Variants in FAT4 observed in about 807,000 individuals in gnomAD.
FAT4 encodes protocadherin Fat 4.
In FAT4, 84 loss-of-function variants were observed where a neutral mutation model predicts 303.9. The observed-to-expected ratio is 0.28, with a 90% CI of 0.23 to 0.33. The LOEUF (loss-of-function observed/expected upper bound fraction) is 0.33, where lower values mean the gene tolerates loss of function less well. FAT4 is among the 10% of genes least tolerant of loss of function. The probability of loss-of-function intolerance (pLI) is 1.00; values close to 1 mark genes in which losing one functional copy is unlikely to be tolerated. For synonymous variants in FAT4, 2,307 were observed against 2,298.8 expected, an observed-to-expected ratio of 1.00 and a Z score of -0.10; for missense variants, 6,005 against 6,146.8, an observed-to-expected ratio of 0.98 and a Z score of 0.77.
chr4:125,418,038 T>C (rs1463412039), intron 7 of FAT4, among the ~76,000 whole-genome samples: 1 of 152,170 alleles, frequency 6.6e-6, no homozygotes, highest in African/African-American at 2.4e-5. Flanking sequence ...TTAATCTTAT[T>C]TTCCAAGAAT....
chr4:125,321,362 A>G lies in FAT4; in HGVS notation c.4951A>G (p.Ile1651Val). Residue 1651 changes from isoleucine (I) to valine (V), a missense_variant, in exon 2 of 18, where the codon ATA becomes GTA. Coordinates refer to ENST00000394329, the MANE Select transcript of FAT4 (RefSeq NM_001291303.3). ...GEPIGTNVIS[I>V]EAASPRGSEA... ...ACCCATTGGCACAAACGTGATATCA[A>G]TAGAAGCAGCTAGCCCCAGAGGATC... The G allele has an allele frequency of 1.9e-6, 3 of 1,614,178 alleles. No homozygotes were observed. Among genetic ancestry groups the G allele is most frequent in the African/African-American group, 2.7e-5 (2 of 75,068 alleles).
Position 125,467,189 on chromosome 4 carries a change from T to C in FAT4, c.11906-1323T>C, listed in dbSNP as rs1560626156. On this transcript the variant is annotated intron_variant, in intron 11 of 17. Transcript: ENST00000394329. ...AGCAACTTCTAGGCTGTTTTAATTT[T>C]AAAAATGTTCTGATATAACATGTGG... Among the ~76,000 whole-genome samples the C allele has an allele frequency of 2.0e-5, 3 of 152,308 alleles. No individual in the cohort carries two copies. The South Asian group carries it at 6.2e-4, about 32-fold the overall frequency.
At position 125,490,785 on chromosome 4, in the gene FAT4, A is replaced by G. The variant is rs749262481; in HGVS notation, c.13969A>G (p.Ser4657Gly). Residue 4657 changes from serine (S) to glycine (G), a missense_variant, in exon 18 of 18, where the codon AGT becomes GGT. Transcript: ENST00000394329. ...HTPKFSIQRH[S>G]PLGFARQSPM... ...ACCAAAATTTTCAATCCAGAGGCAC[A>G]GTCCCCTAGGCTTTGCAAGGCAATC... The G allele has an allele frequency of 6.2e-7, 1 of 1,614,142 alleles. No homozygotes were observed. The highest frequency in any genetic ancestry group is 8.5e-7 in the Non-Finnish European group (1 of 1,180,034).
At chr4:125,424,252 A>G (rs1725008141) in intron 7 of FAT4, among the ~76,000 whole-genome samples, 1 of 152,124 alleles carries the variant, frequency 6.6e-6, no homozygotes, top group Non-Finnish European at 1.5e-5. Flanking sequence ...AGAGGGACCT[A>G]GTGGGTGGTA....
Position 125,318,056 on chromosome 4 carries a change from G to A in FAT4, c.1645G>A (p.Val549Ile), listed in dbSNP as rs1730717915. Reference sequence around the variant, plus strand: ...GGACCGTGAACTTGCTTCCCAGATTGTTCTGAATATAAGTGCCCGGGACCA... The same window carrying A: ...GGACCGTGAACTTGCTTCCCAGATTATTCTGAATATAAGTGCCCGGGACCA... ...GLDRELASQIVLNISARDQGV... is the reference protein window; with the variant it reads ...GLDRELASQIILNISARDQGV... The change falls in exon 2 of 18, where the codon GTT becomes ATT. Residue 549 changes from valine (V) to isoleucine (I), a missense_variant. Transcript: ENST00000394329. 4.3e-6 allele frequency: 7 copies of A among 1,614,150 alleles called. No individual in the cohort carries two copies. The East Asian group carries it at 1.6e-4, about 36-fold the overall frequency.
intron 8 of FAT4, among the ~76,000 whole-genome samples, chr4:125,442,936 C>T (rs1489264440): frequency 3.7e-5 from 2 of 53,424 alleles, no homozygotes; most frequent in Non-Finnish European, 7.2e-5. Flanking sequence ...TTTTAATAGT[C>T]AAAACTACCA....
chr4:125,454,591 T>C (rs1578664993), intron 10 of FAT4, among the ~76,000 whole-genome samples: 2 of 152,174 alleles, frequency 1.3e-5, no homozygotes, highest in African/African-American at 4.8e-5. Context: ...CCCAGGACTT[T>C]GGGAGGCTGA....
Position 125,315,156 on chromosome 4 carries a change from G to T in FAT4, c.-834G>T, listed in dbSNP as rs1213509793. On this transcript the variant is annotated 5_prime_UTR_variant, in exon 1 of 18. Coordinates refer to ENST00000394329, the MANE Select transcript of FAT4 (RefSeq NM_001291303.3). ...GGGACCAGGCGGGAGGTGGAGAAGGGCTCGCGGAGCCCTAGCTCCACCGCA... is the reference window on the plus strand; with the variant it reads ...GGGACCAGGCGGGAGGTGGAGAAGGTCTCGCGGAGCCCTAGCTCCACCGCA... Among the ~76,000 whole-genome samples the T allele has an allele frequency of 1.3e-5, 2 of 151,922 alleles. No individual in the cohort carries two copies. Among genetic ancestry groups the T allele is most frequent in the Non-Finnish European group, 2.9e-5 (2 of 67,952 alleles).
At chr4:125,413,686 A>C (rs1734932194) in intron 5 of FAT4, among the ~76,000 whole-genome samples, 1 of 151,946 alleles carries the variant, frequency 6.6e-6, no homozygotes, top group Non-Finnish European at 1.5e-5. Flanking sequence ...CTTCTTAAAG[A>C]ACTTGATGAA....
chr4:125,490,611 G>A lies in FAT4; in HGVS notation c.13795G>A (p.Asp4599Asn). ...ENPYLIYDET[D>N]IPHNSETIPS... ...CCCCTACCTTATCTATGATGAAACT[G>A]ATATTCCTCACAACTCAGAAACCAT... Residue 4599 changes from aspartate (D) to asparagine (N), a missense_variant, in exon 18 of 18, where the codon GAT becomes AAT. Coordinates refer to ENST00000394329, the MANE Select transcript of FAT4 (RefSeq NM_001291303.3). The A allele has an allele frequency of 6.2e-7, 1 of 1,614,142 alleles. No individual in the cohort carries two copies. The highest frequency in any genetic ancestry group is 8.5e-7 in the Non-Finnish European group (1 of 1,180,034).
intron 8 of FAT4, among the ~76,000 whole-genome samples, chr4:125,436,447 G>T (rs886827372): frequency 1.8e-4 from 28 of 152,130 alleles, no homozygotes; most frequent in African/African-American, 6.3e-4. Context: ...TAGGGTTGGG[G>T]TTAGGGCTGG....
intron 2 of FAT4, among the ~76,000 whole-genome samples, chr4:125,339,365 T>C (rs1731690314): frequency 6.6e-6 from 1 of 151,884 alleles, no homozygotes; most frequent in Admixed American, 6.6e-5. Flanking sequence ...CTGGCTAATT[T>C]TTTTGTATTT....
At position 125,492,723 on chromosome 4, in the gene FAT4, A is replaced by G. The variant is rs1727694629; in HGVS notation, c.*955A>G. On this transcript the variant is annotated 3_prime_UTR_variant, in exon 18 of 18. Transcript: ENST00000394329. ...GATCATTTTTTTAAAATACTGTGTA[A>G]AAACTTTTTTTACACCTAAGCTGTG... 6.6e-6 allele frequency: 1 copy of G among 152,502 alleles called. No individual in the cohort carries two copies. The highest frequency in any genetic ancestry group is 2.4e-5 in the African/African-American group (1 of 41,418). The allele number at this position is 152,502 out of a possible 1,614,324, so 9.4% of individuals were successfully genotyped here. A position where few individuals can be genotyped will look rare whatever the true frequency, so the allele number is the denominator to read the frequency against.
In FAT4 at chr4:125,451,390, G is replaced by C. The variant is rs1283199106; in HGVS notation, c.10380G>C (p.Gln3460His). ...ATGGTGCCTTTTCTATTAATCCGCA[G>C]ACAGGACAGATCACCGTTACTGCAG... Reference protein sequence around the residue: ...NENGAFSINPQTGQITVTAEL... With the variant: ...NENGAFSINPHTGQITVTAEL... The change falls in exon 10 of 18, where the codon CAG becomes CAC. Residue 3460 changes from glutamine (Q) to histidine (H), a missense_variant. Transcript: ENST00000394329. 6.2e-7 allele frequency: 1 copy of C among 1,613,988 alleles called. No individual in the cohort carries two copies. The highest frequency in any genetic ancestry group is 1.3e-5 in the African/African-American group (1 of 74,888).
chr4:125,480,348 G>T (rs1049035598), intron 15 of FAT4, among the ~76,000 whole-genome samples: 2 of 152,040 alleles, frequency 1.3e-5, no homozygotes, highest in African/African-American at 4.8e-5. Flanking sequence ...ACAAGTAGTA[G>T]AATTAATTTT....
chr4:125,381,141 C>T (rs1461997439), intron 2 of FAT4, among the ~76,000 whole-genome samples: 2 of 152,150 alleles, frequency 1.3e-5, no homozygotes, highest in East Asian at 3.9e-4. Flanking sequence ...CCATCAGTAA[C>T]ATGGTATTAA....
chr4:125,367,609 A>G (rs979290021), intron 2 of FAT4, among the ~76,000 whole-genome samples: 1 of 152,160 alleles, frequency 6.6e-6, no homozygotes, highest in Non-Finnish European at 1.5e-5. Flanking sequence ...AAAAAATAAC[A>G]TACTCTGTAA....
At chr4:125,425,420 A>G (rs1725053345) in intron 7 of FAT4, among the ~76,000 whole-genome samples, 1 of 152,148 alleles carries the variant, frequency 6.6e-6, no homozygotes, top group African/African-American at 2.4e-5. Flanking sequence ...CTATGTTTAT[A>G]CGAATTTCTT....
At position 125,414,988 on chromosome 4, in the gene FAT4, G is replaced by T. The variant is rs1734986845; in HGVS notation, c.6025G>T (p.Glu2009Ter). 6.2e-7 allele frequency: 1 copy of T among 1,613,866 alleles called. No homozygotes were observed. Among genetic ancestry groups the T allele is most frequent in the Non-Finnish European group, 8.5e-7 (1 of 1,179,952 alleles). The change falls in exon 6 of 18, where the codon GAA becomes TAA. Residue 2009 changes from glutamate (E) to a stop codon, truncating the protein, a stop_gained. Transcript: ENST00000394329. LOFTEE classifies it high-confidence loss of function. ...VLKVLKALDRESQSFYNLVVQ... is the reference protein window; with the variant it reads ...VLKVLKALDR Reference sequence around the variant, plus strand: ...CAAAGTCCTAAAAGCTTTGGATCGGGAAAGTCAGTCCTTCTACAACTTGGT... The same window carrying T: ...CAAAGTCCTAAAAGCTTTGGATCGGTAAAGTCAGTCCTTCTACAACTTGGT...
Sources: gnomAD v4.1 joint callset for allele counts (sites outside exome capture counted in the v4.1 genomes callset) on GRCh38, gnomAD v4.1.1 for gene constraint, MANE v1.5 for transcripts, NCBI Gene and HGNC (gene_info 2026-07-23, HGNC 2026-07-21) for gene names.